The following DOCK4 variants were observed in gnomAD, a reference collection of about 807,000 sequenced individuals.
DOCK4 encodes the protein dedicator of cytokinesis protein 4.
DOCK4 carries 97 observed loss-of-function variants against 268.1 expected under a neutral mutation model. That is an observed-to-expected ratio of 0.36 (90% CI 0.31 to 0.43). The LOEUF (loss-of-function observed/expected upper bound fraction) is 0.43. DOCK4 is among the 20% of genes least tolerant of loss of function. The probability of loss-of-function intolerance (pLI) is 1.00; values close to 1 mark genes in which losing one functional copy is unlikely to be tolerated. For missense variants in DOCK4, 2,145 were observed against 2,455.7 expected, an observed-to-expected ratio of 0.87 and a Z score of 2.67; for synonymous variants, 954 against 887.2, an observed-to-expected ratio of 1.08 and a Z score of -1.34.
At chr7:111,782,825 A>G (rs777442909) in intron 35 of DOCK4, 39 bp downstream of exon 35, 36 of 1,595,140 alleles carry the variant, frequency 2.3e-5, no homozygotes, top group Non-Finnish European at 3.1e-5. Flanking sequence ...AAATACAAGT[A>G]TTAGGAGAAA....
chr7:111,943,303 T>C (rs749395013), intron 10 of DOCK4, among the ~76,000 whole-genome samples: 4 of 152,340 alleles, frequency 2.6e-5, no homozygotes, highest in East Asian at 1.9e-4. Flanking sequence ...GCAGTACTAC[T>C]GAGGCGGCTT....
At chr7:112,149,550 A>T (rs188176872) in intron 1 of DOCK4, among the ~76,000 whole-genome samples, 3 of 150,332 alleles carry the variant, frequency 2.0e-5, no homozygotes, top group Non-Finnish European at 3.0e-5. Context: ...TATAAAAAAC[A>T]TACAACATAT....
At chr7:112,126,336 T>G (rs966890390) in intron 1 of DOCK4, among the ~76,000 whole-genome samples, 5 of 152,254 alleles carry the variant, frequency 3.3e-5, no homozygotes, top group African/African-American at 1.2e-4. Context: ...CATCTCCACA[T>G]TAGAGATGAA....
At chr7:112,174,574 T>C (rs1166941814) in intron 1 of DOCK4, among the ~76,000 whole-genome samples, 1 of 152,084 alleles carries the variant, frequency 6.6e-6, no homozygotes, top group Non-Finnish European at 1.5e-5. Flanking sequence ...ACCATATATG[T>C]ATATGAAAGA....
intron 1 of DOCK4, among the ~76,000 whole-genome samples, chr7:112,010,640 C>T (rs544169802): frequency 6.6e-6 from 1 of 152,274 alleles, no homozygotes; most frequent in East Asian, 1.9e-4. Context: ...AGGCTGTGCC[C>T]ACAGGCCTCA....
At chr7:111,784,324 T>C (rs1177154508) in intron 32 of DOCK4, 7 of 710,108 alleles carry the variant, frequency 9.9e-6, no homozygotes, top group African/African-American at 1.7e-5. Flanking sequence ...AAAACAGGAG[T>C]GCCTCCAAGT....
At chr7:111,860,485 T>G (rs1258205281) in intron 23 of DOCK4, among the ~76,000 whole-genome samples, 1 of 152,222 alleles carries the variant, frequency 6.6e-6, no homozygotes, top group Non-Finnish European at 1.5e-5. Flanking sequence ...TTTTCTCTGT[T>G]GAACATCTGC....
At chr7:112,157,799 A>C (rs1000365841) in intron 1 of DOCK4, among the ~76,000 whole-genome samples, 2 of 152,204 alleles carry the variant, frequency 1.3e-5, no homozygotes. Context: ...GGAAAAGCAG[A>C]CAAGGGCCAG....
intron 1 of DOCK4, among the ~76,000 whole-genome samples, chr7:112,066,957 C>CA (rs1032116146): frequency 6.7e-6 from 1 of 149,184 alleles, no homozygotes; most frequent in East Asian, 2.0e-4. Flanking sequence ...CCAGCCTGGG[C>CA]AATATGGCAA....
chr7:111,806,890 C>T (rs58011096), intron 30 of DOCK4, among the ~76,000 whole-genome samples: 11,231 of 152,080 alleles, frequency 0.074, 1,400 homozygotes, highest in African/African-American at 0.26. Flanking sequence ...AACAGAGAAG[C>T]AATTTAACAT....
intron 13 of DOCK4, among the ~76,000 whole-genome samples, chr7:111,912,226 T>C (rs374038636): frequency 6.6e-6 from 1 of 152,328 alleles, no homozygotes; most frequent in African/African-American, 2.4e-5. Flanking sequence ...TGCTTGCACT[T>C]ACACATGGGA....
At position 111,900,396 on chromosome 7, in the gene DOCK4, G is replaced by A. The variant is rs377239179; in HGVS notation, c.1458C>T (p.Arg486=). Residue 486 remains arginine (R), a synonymous_variant, in exon 15 of 53, where the codon CGC becomes CGT. Transcript: ENST00000428084. ...TACTGGAACAATGCCGAAACTCGAA[G>A]CGGATGTGTGCACCCCGGAATTTAT... The part of the protein sequence containing the change: ...PVDKFRGAHI[R]FEFRHCSTKE... 118 of 1,613,258 alleles carry A rather than the reference G, an allele frequency of 7.3e-5. No individual in the cohort carries two copies. The highest frequency in any genetic ancestry group is 1.6e-4 in the Middle Eastern group (1 of 6,084).
chr7:111,891,520 T>A (rs1021234792), intron 16 of DOCK4, among the ~76,000 whole-genome samples: 3 of 152,314 alleles, frequency 2.0e-5, no homozygotes, highest in Admixed American at 2.0e-4. Context: ...TACTTCCATG[T>A]TTTCCATATT....
At chr7:111,922,237 A>G (rs1240655361) in intron 12 of DOCK4, among the ~76,000 whole-genome samples, 1 of 152,156 alleles carries the variant, frequency 6.6e-6, no homozygotes, top group Non-Finnish European at 1.5e-5. Flanking sequence ...TTTGTTTTTC[A>G]AATATCATGA....
intron 39 of DOCK4, among the ~76,000 whole-genome samples, chr7:111,762,423 A>G (rs1465762756): frequency 6.6e-6 from 1 of 152,016 alleles, no homozygotes; most frequent in African/African-American, 2.4e-5. Flanking sequence ...GTTTCTATGG[A>G]TTTGCCTATT....
intron 13 of DOCK4, among the ~76,000 whole-genome samples, chr7:111,906,086 TAC>T (rs1791546569): frequency 6.6e-6 from 1 of 152,014 alleles, no homozygotes. Context: ...GACCCCACAT[TAC>T]CTATGAAAAC....
intron 1 of DOCK4, among the ~76,000 whole-genome samples, chr7:112,205,638 T>G (rs961069091): frequency 5.9e-5 from 9 of 152,130 alleles, no homozygotes; most frequent in Non-Finnish European, 1.2e-4. Flanking sequence ...GCCTCCCTAC[T>G]GTTTTGGGGG....
intron 7 of DOCK4, among the ~76,000 whole-genome samples, chr7:111,983,071 CACA>C (rs552133964): frequency 5.5e-4 from 84 of 151,822 alleles, no homozygotes; most frequent in South Asian, 2.7e-3. Flanking sequence ...GCAAGCAGCA[CACA>C]ACACCACTCT....
At chr7:111,842,358 CA>C (rs1485686254) in intron 25 of DOCK4, among the ~76,000 whole-genome samples, 2 of 152,130 alleles carry the variant, frequency 1.3e-5, no homozygotes, top group South Asian at 2.1e-4. Flanking sequence ...GAAAAAGTCC[CA>C]AAAAACCTTA....
Sources: gnomAD v4.1 joint callset for allele counts (sites outside exome capture counted in the v4.1 genomes callset) on GRCh38, gnomAD v4.1.1 for gene constraint, MANE v1.5 for transcripts, NCBI Gene and HGNC (gene_info 2026-07-23, HGNC 2026-07-21) for gene names.